Variants in NBEA observed in about 807,000 individuals in gnomAD.
The protein encoded by NBEA is lysosomal-trafficking regulator 2.
NBEA carries 44 observed loss-of-function variants against 343.4 expected under a neutral mutation model. That is an observed-to-expected ratio of 0.13 (90% CI 0.10 to 0.16). The LOEUF (loss-of-function observed/expected upper bound fraction) is 0.16. Ranked by LOEUF, NBEA falls within the 10% of genes least tolerant of loss-of-function variation. The pLI is 1.00. For synonymous variants in NBEA, 1,175 were observed against 1,238.7 expected (o/e 0.95, Z 1.08); for missense variants, 2,555 against 3,631.3 (o/e 0.70, Z 7.62).
intron 38 of NBEA, among the ~76,000 whole-genome samples, chr13:35,425,392 A>G (rs1385728780): frequency 2.6e-5 from 4 of 152,038 alleles, no homozygotes; most frequent in African/African-American, 4.8e-5. Flanking sequence ...TTCTGCCTTC[A>G]TTTTGTTATG....
intron 1 of NBEA, among the ~76,000 whole-genome samples, chr13:35,002,915 T>C (rs1415921344): frequency 6.6e-6 from 1 of 152,086 alleles, no homozygotes; most frequent in East Asian, 1.9e-4. Flanking sequence ...AGGCAAAACT[T>C]TGTAGCCCAG....
At chr13:35,420,266 G>T (rs2044188079) in intron 38 of NBEA, among the ~76,000 whole-genome samples, 1 of 151,968 alleles carries the variant, frequency 6.6e-6, no homozygotes, top group Non-Finnish European at 1.5e-5. Flanking sequence ...GTTTTTTGTA[G>T]ACACTTTTAT....
intron 41 of NBEA, among the ~76,000 whole-genome samples, chr13:35,531,120 A>AAAC (rs1211943236): frequency 6.6e-6 from 1 of 152,216 alleles, no homozygotes; most frequent in Non-Finnish European, 1.5e-5. Context: ...AGTGCATTTG[A>AAAC]AACATACATT....
intron 1 of NBEA, among the ~76,000 whole-genome samples, chr13:34,954,599 A>G (rs1386668019): frequency 6.6e-6 from 1 of 152,118 alleles, no homozygotes; most frequent in Non-Finnish European, 1.5e-5. Flanking sequence ...ACATGTATGC[A>G]GTTGTCCCTT....
In NBEA at chr13:35,135,967, C is replaced by T. The variant is rs117771725; in HGVS notation, c.2337-6302C>T. On this transcript the variant is annotated intron_variant, in intron 17 of 58. Transcript: ENST00000379939. The stretch of plus-strand genomic sequence containing the variant: ...CCACAAACATTTTACAAAGAATAAA[C>T]ATTTGGAATTGTGGACTTCCAGATC... 6.8e-5 allele frequency among the ~76,000 whole-genome samples: 10 copies of T among 146,254 alleles called. No homozygotes were observed. The East Asian group carries it at 1.9e-3, about 28-fold the overall frequency.
chr13:35,007,301 A>G (rs561893307), intron 1 of NBEA, among the ~76,000 whole-genome samples: 1 of 151,878 alleles, frequency 6.6e-6, no homozygotes, highest in African/African-American at 2.4e-5. Flanking sequence ...TTTTATCCTT[A>G]TGTCCTTACT....
rs377177657 is a variant in NBEA, at chr13:35,439,007, C to T, written c.6304+6614C>T. ...TAATTTAAAAGCAGTTATTGAATAA[C>T]TTCTACATACTATGCACGTGCTACC... On this transcript the variant is annotated intron_variant, in intron 39 of 58. Coordinates refer to ENST00000379939, the MANE Select transcript of NBEA (RefSeq NM_001385012.1). 1.1e-4 allele frequency among the ~76,000 whole-genome samples: 17 copies of T among 152,292 alleles called. No individual in the cohort carries two copies. The East Asian group carries it at 3.1e-3, about 28-fold the overall frequency.
At chr13:35,035,057 C>T (rs2062388019) in intron 1 of NBEA, among the ~76,000 whole-genome samples, 1 of 151,632 alleles carries the variant, frequency 6.6e-6, no homozygotes, top group African/African-American at 2.4e-5. Context: ...TTTTCTTCTA[C>T]TAATTTTGGA....
At chr13:35,226,890 C>G (rs1055939924) in intron 33 of NBEA, among the ~76,000 whole-genome samples, 1 of 152,042 alleles carries the variant, frequency 6.6e-6, no homozygotes, top group African/African-American at 2.4e-5. Context: ...TTTGCATCAT[C>G]ATGCTCACGT....
chr13:35,034,744 C>T (rs1325687537), intron 1 of NBEA, among the ~76,000 whole-genome samples: 4 of 151,872 alleles, frequency 2.6e-5, no homozygotes, highest in Non-Finnish European at 5.9e-5. Context: ...TGGATTTCTT[C>T]CTGGTTCAAT....
At chr13:35,107,277 C>T (rs1409753270) in intron 11 of NBEA, among the ~76,000 whole-genome samples, 2 of 120,998 alleles carry the variant, frequency 1.7e-5, no homozygotes. Flanking sequence ...TGTTTTGGTT[C>T]CCCCCCCTTT....
chr13:35,344,420 A>C (rs193037372), intron 36 of NBEA, among the ~76,000 whole-genome samples: 1 of 152,142 alleles, frequency 6.6e-6, no homozygotes, highest in African/African-American at 2.4e-5. Flanking sequence ...AAGAAGTTTA[A>C]CAGAAATCAG....
intron 51 of NBEA, among the ~76,000 whole-genome samples, chr13:35,648,975 A>G (rs566183890): frequency 3.6e-4 from 55 of 152,110 alleles, no homozygotes; most frequent in Admixed American, 1.2e-3. Context: ...ACGTTTACCT[A>G]TGTAACAACC....
At chr13:34,962,267 T>A (rs2059685558) in intron 1 of NBEA, among the ~76,000 whole-genome samples, 1 of 152,092 alleles carries the variant, frequency 6.6e-6, no homozygotes, top group African/African-American at 2.4e-5. Context: ...TCTCTCTATG[T>A]GTGCATATGT....
intron 36 of NBEA, among the ~76,000 whole-genome samples, chr13:35,337,069 A>C (rs1050467922): frequency 2.0e-5 from 3 of 152,126 alleles, no homozygotes; most frequent in African/African-American, 7.2e-5. Flanking sequence ...AAAAATATTT[A>C]GTTAGTACAA....
intron 1 of NBEA, among the ~76,000 whole-genome samples, chr13:34,963,148 T>G (rs2059711348): frequency 6.6e-6 from 1 of 152,010 alleles, no homozygotes; most frequent in South Asian, 2.1e-4. Context: ...GTGTATTAGT[T>G]TACTGGAGGT....
chr13:35,107,599 A>T (rs1281923656), intron 11 of NBEA, among the ~76,000 whole-genome samples: 1 of 151,798 alleles, frequency 6.6e-6, no homozygotes, highest in African/African-American at 2.4e-5. Context: ...TTACCTTTTT[A>T]TTTTATTAAC....
In NBEA at chr13:34,976,962, CAG is replaced by C. The variant is rs1451853978; in HGVS notation, c.294+33851_294+33852del. 5.3e-5 allele frequency among the ~76,000 whole-genome samples: 7 copies of C among 131,712 alleles called. No homozygotes were observed. The East Asian group carries it at 1.2e-3, about 22-fold the overall frequency. The allele number at this position is 131,712 out of a possible 152,430, so 86.4% of individuals were successfully genotyped here. A position where few individuals can be genotyped will look rare whatever the true frequency, so the allele number is the denominator to read the frequency against. On this transcript the variant is annotated intron_variant, in intron 1 of 58. Coordinates refer to ENST00000379939, the MANE Select transcript of NBEA (RefSeq NM_001385012.1). ...TCTATTTTTTTTTTTTTTTTTGAGA[CAG>C]AGTTTTGCTCTTGTTGCCCAGGCTA...
intron 17 of NBEA, among the ~76,000 whole-genome samples, chr13:35,137,437 AAC>A (rs1178095327): frequency 1.3e-5 from 2 of 151,818 alleles, no homozygotes; most frequent in African/African-American, 2.4e-5. Flanking sequence ...GCGACTGAGC[AAC>A]ACACAGTCTC....
Sources: allele counts gnomAD v4.1 joint callset (sites outside exome capture counted in the v4.1 genomes callset), GRCh38; gene constraint gnomAD v4.1.1; transcripts MANE v1.5; gene names NCBI Gene and HGNC (gene_info 2026-07-23, HGNC 2026-07-21).